Variants in TNRC6B observed in about 807,000 individuals in gnomAD.
TNRC6B encodes the protein trinucleotide repeat containing adaptor 6B, also known as trinucleotide repeat-containing gene 6B protein.
TNRC6B carries 52 observed loss-of-function variants against 203.6 expected under a neutral mutation model. The observed-to-expected ratio is 0.26, with a 90% CI of 0.20 to 0.32. The LOEUF is 0.32. Ranked by LOEUF, TNRC6B falls within the 10% of genes least tolerant of loss-of-function variation. The pLI, the probability that TNRC6B is intolerant of heterozygous loss-of-function variation, is 1.00. For missense variants in TNRC6B, 1,923 were observed against 2,286.2 expected, an observed-to-expected ratio of 0.84 and a Z score of 3.24; for synonymous variants, 838 against 845.7, an observed-to-expected ratio of 0.99 and a Z score of 0.16.
chr22:40,126,582 T>TA (rs1452621619), intron 3 of TNRC6B, among the ~76,000 whole-genome samples: 6,176 of 122,904 alleles, frequency 0.05, 529 homozygotes, highest in African/African-American at 0.19. Context: ...GTTATTTAAT[T>TA]TTTTTTTTTT....
chr22:40,173,484 TATA>T (rs1358565579), upstream of TNRC6B, among the ~76,000 whole-genome samples: 3 of 150,368 alleles, frequency 2.0e-5, no homozygotes, highest in African/African-American at 7.3e-5. Flanking sequence ...CAGATATATA[TATA>T]ATCTGTCACC....
In TNRC6B at chr22:40,273,432, A is replaced by G. The variant is rs1412438824; in HGVS notation, c.2973A>G (p.Lys991=). Residue 991 remains lysine (K), a synonymous_variant, in exon 7 of 23, where the codon AAA becomes AAG. Transcript: ENST00000454349. The stretch of plus-strand genomic sequence containing the variant: ...TTCATTCTTTCCTTAAAGATTCCAA[A>G]TCTATGCAAGACGGCTGGGGGGAGA... ...NAPNAMKPNS[K]SMQDGWGESD... The G allele has an allele frequency of 4.4e-6, 7 of 1,603,604 alleles. No homozygotes were observed. The South Asian group carries it at 6.7e-5, about 15-fold the overall frequency.
At chr22:40,101,413 G>A (rs1204654679) in intron 1 of TNRC6B, among the ~76,000 whole-genome samples, 1 of 152,160 alleles carries the variant, frequency 6.6e-6, no homozygotes, top group African/African-American at 2.4e-5. Context: ...TCTGGGATAA[G>A]GTCTGAATAT....
chr22:40,190,668 C>A (rs904957174), intron 1 of TNRC6B, among the ~76,000 whole-genome samples: 1 of 152,214 alleles, frequency 6.6e-6, no homozygotes. Flanking sequence ...CAGCAGCTCT[C>A]TGGCCTGCCC....
At chr22:40,080,704 A>G (rs1055469212) in intron 1 of TNRC6B, among the ~76,000 whole-genome samples, 2 of 152,146 alleles carry the variant, frequency 1.3e-5, no homozygotes, top group Non-Finnish European at 2.9e-5. Flanking sequence ...ATCCTCAGGC[A>G]GTTAATTTGC....
At chr22:40,280,924 A>G (rs751719672) in intron 10 of TNRC6B, among the ~76,000 whole-genome samples, 195 bp from the exon 11 acceptor site, 3 of 152,248 alleles carry the variant, frequency 2.0e-5, no homozygotes, top group East Asian at 1.9e-4. Context: ...AGAAAAATCT[A>G]TATCAAAGAA....
chr22:40,174,171 T>C (rs2146371890), upstream of TNRC6B, among the ~76,000 whole-genome samples: 1 of 148,290 alleles, frequency 6.7e-6, no homozygotes, highest in African/African-American at 2.5e-5. Flanking sequence ...TTCTTTTTCT[T>C]TTTTTTTTTA....
intron 4 of TNRC6B, among the ~76,000 whole-genome samples, chr22:40,162,489 C>A (rs1262348586): frequency 1.3e-5 from 2 of 152,324 alleles, no homozygotes; most frequent in East Asian, 1.9e-4. Context: ...AAACCCTGGG[C>A]AGCTCTATAG....
chr22:40,182,988 G>A (rs900566970), intron 1 of TNRC6B, among the ~76,000 whole-genome samples: 2 of 152,032 alleles, frequency 1.3e-5, no homozygotes, highest in African/African-American at 2.4e-5. Context: ...TTTGTGTATG[G>A]TACGTCTCCA....
intron 1 of TNRC6B, among the ~76,000 whole-genome samples, chr22:40,210,165 C>T (rs1474708002): frequency 1.3e-5 from 2 of 152,132 alleles, no homozygotes; most frequent in Non-Finnish European, 2.9e-5. Flanking sequence ...CCCCAGGCTG[C>T]TAGAGACCTC....
chr22:40,132,969 A>AAAAAAAAT (rs1282694632), intron 3 of TNRC6B, among the ~76,000 whole-genome samples: 3 of 78,186 alleles, frequency 3.8e-5, no homozygotes, highest in Admixed American at 1.9e-4. Context: ...AAAAAAAAAA[A>AAAAAAAAT]ATATATATAT....
chr22:40,125,901 T>A (rs1776936194), intron 3 of TNRC6B: 2 of 1,598,838 alleles, frequency 1.3e-6, no homozygotes, highest in Admixed American at 1.8e-5. Flanking sequence ...GGGTAGAAAT[T>A]GAACAGTAGA....
intron 2 of TNRC6B, among the ~76,000 whole-genome samples, chr22:40,249,188 CTG>C (rs539535416): frequency 4.0e-4 from 61 of 152,302 alleles, no homozygotes; most frequent in African/African-American, 1.4e-3. Flanking sequence ...GTTAGACTGA[CTG>C]TAAGTTTCTT....
At chr22:40,234,667 A>C (rs2069924025) in intron 1 of TNRC6B, among the ~76,000 whole-genome samples, 1 of 152,242 alleles carries the variant, frequency 6.6e-6, no homozygotes, top group Admixed American at 6.5e-5. Context: ...GTCACATAAT[A>C]AAATTGAAGG....
chr22:40,209,407 A>G (rs1179734339), intron 1 of TNRC6B, among the ~76,000 whole-genome samples: 6 of 152,164 alleles, frequency 3.9e-5, no homozygotes, highest in African/African-American at 7.2e-5. Flanking sequence ...ATCTCACCAT[A>G]AGAACATGGG....
chr22:40,244,388 G>A (rs969466688), intron 1 of TNRC6B, among the ~76,000 whole-genome samples: 7 of 152,078 alleles, frequency 4.6e-5, no homozygotes, highest in Non-Finnish European at 8.8e-5. Context: ...TATACCCAGA[G>A]GTGCAGAAGG....
chr22:40,266,527 G>A lies in TNRC6B; in HGVS notation c.2297G>A (p.Ser766Asn), dbSNP rs1285359679. The A allele has an allele frequency of 1.2e-6, 2 of 1,613,830 alleles. No individual in the cohort carries two copies. Among genetic ancestry groups the A allele is most frequent in the Admixed American group, 3.3e-5 (2 of 59,994 alleles). The change falls in exon 5 of 23, where the codon AGT (serine) becomes AAT (asparagine). Residue 766 changes from serine to asparagine, a missense_variant. Physicochemically the swap from Ser to Asn is conservative, Grantham distance 46. Transcript: ENST00000454349. ...TKNSNWESSA[S>N]KPVSGWGEGG... ...AACAGCAATTGGGAAAGTTCTGCAA[G>A]TAAACCTGTGTCTGGGTGGGGTGAA...
intron 21 of TNRC6B, among the ~76,000 whole-genome samples, chr22:40,318,535 A>G (rs1459169462): frequency 6.6e-6 from 1 of 152,152 alleles, no homozygotes; most frequent in Non-Finnish European, 1.5e-5. Context: ...AGACAGAGCG[A>G]GACTTCATCT....
chr22:40,287,446 C>T (rs1158950727), intron 12 of TNRC6B, among the ~76,000 whole-genome samples: 1 of 152,208 alleles, frequency 6.6e-6, no homozygotes, highest in East Asian at 1.9e-4. Context: ...TTTCTCCACA[C>T]CCCTTCCTTG....
Sources: gnomAD v4.1 joint callset for allele counts (sites outside exome capture counted in the v4.1 genomes callset) on GRCh38, gnomAD v4.1.1 for gene constraint, MANE v1.5 for transcripts, NCBI Gene and HGNC (gene_info 2026-07-23, HGNC 2026-07-21) for gene names.